CYP4F12: variants seen among roughly 807,000 people sequenced by gnomAD.
CYP4F12 encodes the protein cytochrome P450 4F12.
CYP4F12 carries 60 observed loss-of-function variants against 56.5 expected under a neutral mutation model. That is an observed-to-expected ratio of 1.06 (90% CI 0.86 to 1.32). The LOEUF (loss-of-function observed/expected upper bound fraction) is 1.32. CYP4F12 is among the 40% of genes most tolerant of loss of function. The pLI, the probability that CYP4F12 is intolerant of heterozygous loss-of-function variation, is 0.00. For synonymous variants in CYP4F12, 263 were observed against 264.9 expected, an observed-to-expected ratio of 0.99 and a Z score of 0.07; for missense variants, 711 against 683.5, an observed-to-expected ratio of 1.04 and a Z score of -0.45.
rs140893357 is a variant in CYP4F12 at position 15,678,315 on chromosome 19, T to C, written c.253T>C (p.Ser85Pro). ...KNSTQMSATY[S>P]QGFTVWLGPI... ...CTCGACCCAGATGTCGGCCACCTAT[T>C]CCCAGGGCTTTACGGTATGGCTGGG... The change falls in exon 3 of 13, where the codon TCC becomes CCC. Residue 85 changes from serine (S) to proline (P), a missense_variant. Transcript: ENST00000550308. The C allele has an allele frequency of 1.5e-4, 240 of 1,614,158 alleles. No individual in the cohort carries two copies. In the African/African-American group the frequency reaches 2.9e-3, roughly 19 times the overall value.
At position 15,696,085 on chromosome 19, in the gene CYP4F12, G is replaced by C; in HGVS notation, c.1249+16G>C. On this transcript the variant is annotated intron_variant, in intron 10 of 12. Coordinates refer to ENST00000550308, the MANE Select transcript of CYP4F12 (RefSeq NM_023944.4). ...ATCCCCAAAGGTGCCCACAGCCTCA[G>C]GGGGAGAAGCCTCCCGGGTAGGAAG... is the stretch of plus-strand genomic sequence containing the variant. The C allele has an allele frequency of 6.2e-7, 1 of 1,612,028 alleles. No individual in the cohort carries two copies. The highest frequency in any genetic ancestry group is 8.5e-7 in the Non-Finnish European group (1 of 1,178,774).
Position 15,673,761 on chromosome 19 carries a change from A to G in CYP4F12, c.198+34A>G, listed in dbSNP as rs79016678. The G allele has an allele frequency of 1.3e-3, 2,054 of 1,609,562 alleles. 23 individuals are homozygous for G. In the African/African-American group the frequency reaches 0.023, roughly 18 times the overall value. ...GACAGCAAAATGTGTCTGGGGTCTC[A>G]GGGTGGATGGACTTCCAGAGGAGCA... On this transcript the variant is annotated intron_variant, in intron 2 of 12. Coordinates refer to ENST00000550308, the MANE Select transcript of CYP4F12 (RefSeq NM_023944.4).
intron 9 of CYP4F12, among the ~76,000 whole-genome samples, chr19:15,689,254 GA>G (rs965609337): frequency 3.4e-5 from 5 of 147,368 alleles, no homozygotes; most frequent in Non-Finnish European, 7.5e-5. Context: ...ACTCAGCAAG[GA>G]AAAAAAACAA....
At chr19:15,677,073 T>C (rs1222878347) in intron 2 of CYP4F12, among the ~76,000 whole-genome samples, 1 of 136,486 alleles carries the variant, frequency 7.3e-6, no homozygotes. Flanking sequence ...ATTCCTGTCC[T>C]CACTCACTCA....
intron 3 of CYP4F12, 26 bp from the exon 4 acceptor site, chr19:15,680,217 GC>G (rs1419947171): frequency 1.9e-6 from 3 of 1,579,142 alleles, no homozygotes; most frequent in Non-Finnish European, 2.6e-6. Context: ...CCTCTACATG[GC>G]CCCTGATGGT....
At chr19:15,677,031 C>G (rs2006976229) in intron 2 of CYP4F12, among the ~76,000 whole-genome samples, 1 of 149,660 alleles carries the variant, frequency 6.7e-6, no homozygotes, top group Non-Finnish European at 1.5e-5. Context: ...TCATTCCTCT[C>G]CTCACTCACT....
At chr19:15,675,623 A>G (rs1383456963) in intron 2 of CYP4F12, among the ~76,000 whole-genome samples, 1 of 152,222 alleles carries the variant, frequency 6.6e-6, no homozygotes, top group Non-Finnish European at 1.5e-5. Flanking sequence ...CCTCTTGAGC[A>G]GACAGCTTGT....
chr19:15,691,693 TG>T (rs1301859158), intron 9 of CYP4F12, among the ~76,000 whole-genome samples: 2 of 134,088 alleles, frequency 1.5e-5, no homozygotes, highest in Non-Finnish European at 3.1e-5. Flanking sequence ...TCACAATTAA[TG>T]TTTTTTTTTT....
chr19:15,685,331 AG>A (rs2007548030), intron 9 of CYP4F12, 134 bp downstream of exon 9: 1 of 1,379,366 alleles, frequency 7.2e-7, no homozygotes, highest in African/African-American at 1.4e-5. Flanking sequence ...GACCACAGGC[AG>A]GGCTTGATAC....
At chr19:15,693,976 T>C (rs900697514) in intron 9 of CYP4F12, among the ~76,000 whole-genome samples, 2 of 151,002 alleles carry the variant, frequency 1.3e-5, no homozygotes, top group Non-Finnish European at 2.9e-5. Flanking sequence ...TTTTCTCAGG[T>C]TTGTCAAAGA....
intron 12 of CYP4F12, 62 bp downstream of exon 12, chr19:15,696,574 G>A: frequency 6.5e-7 from 1 of 1,541,406 alleles, no homozygotes; most frequent in Non-Finnish European, 8.8e-7. Flanking sequence ...AAAAAAAGGG[G>A]GACGTTGCAG....
chr19:15,673,893 A>G (rs79099651), intron 2 of CYP4F12, among the ~76,000 whole-genome samples, 166 bp downstream of exon 2: 370 of 1,590 alleles, frequency 0.23, 61 homozygotes, highest in East Asian at 1. Flanking sequence ...TCATTCCTCT[A>G]CCCACTCACT....
At position 15,694,829 on chromosome 19, in the gene CYP4F12, A is replaced by T. The variant is rs542104746; in HGVS notation, c.1116-1107A>T. Among the ~76,000 whole-genome samples the T allele has an allele frequency of 1.2e-4, 19 of 152,292 alleles. No individual in the cohort carries two copies. The South Asian group carries it at 3.7e-3, about 30-fold the overall frequency. On this transcript the variant is annotated intron_variant, in intron 9 of 12. Coordinates refer to ENST00000550308, the MANE Select transcript of CYP4F12 (RefSeq NM_023944.4). ...ACCATCTCACACCAGTTAGAATGGC[A>T]ATCATTAAAAAGTCAGGAAACAACA...
At chr19:15,686,232 C>T (rs1299540583) in intron 9 of CYP4F12, among the ~76,000 whole-genome samples, 1 of 152,186 alleles carries the variant, frequency 6.6e-6, no homozygotes, top group African/African-American at 2.4e-5. Flanking sequence ...GTGGGATAAT[C>T]ACTTGAGGTC....
chr19:15,685,365 A>C (rs968364031), intron 9 of CYP4F12, among the ~76,000 whole-genome samples, 168 bp downstream of exon 9: 1 of 152,166 alleles, frequency 6.6e-6, no homozygotes, highest in African/African-American at 2.4e-5. Flanking sequence ...TCAGGGGAAA[A>C]GTTGCAGGCC....
intron 3 of CYP4F12, among the ~76,000 whole-genome samples, chr19:15,679,946 G>C (rs1471592214): frequency 6.6e-6 from 1 of 152,168 alleles, no homozygotes; most frequent in African/African-American, 2.4e-5. Context: ...TCCTTTAAAG[G>C]TATTTTGTAG....
chr19:15,680,690 C>T, intron 5 of CYP4F12, 171 bp downstream of exon 5: 1 of 858,530 alleles, frequency 1.2e-6, no homozygotes, highest in Non-Finnish European at 1.9e-6. Flanking sequence ...CTTGAAAGGT[C>T]ATTTACTTGG....
chr19:15,686,313 G>C (rs1428642496), intron 9 of CYP4F12, among the ~76,000 whole-genome samples: 2 of 152,174 alleles, frequency 1.3e-5, no homozygotes, highest in Non-Finnish European at 2.9e-5. Context: ...AAATAATAAA[G>C]TGCCTCAACT....
intron 9 of CYP4F12, among the ~76,000 whole-genome samples, chr19:15,691,330 A>G (rs1197703581): frequency 6.6e-6 from 1 of 152,230 alleles, no homozygotes; most frequent in African/African-American, 2.4e-5. Context: ...CATTGCTCAT[A>G]TGTATAAACA....
Sources: gnomAD v4.1 joint callset for allele counts (sites outside exome capture counted in the v4.1 genomes callset) on GRCh38, gnomAD v4.1.1 for gene constraint, MANE v1.5 for transcripts, NCBI Gene and HGNC (gene_info 2026-07-23, HGNC 2026-07-21) for gene names.